SIMC1: variants seen among roughly 807,000 people sequenced by gnomAD.
SIMC1 encodes the protein SUMO-interacting motif-containing protein 1.
In SIMC1, 55 loss-of-function variants were observed where a neutral mutation model predicts 82.3. The observed-to-expected ratio is 0.67, with a 90% CI of 0.54 to 0.84. The LOEUF is 0.84. Ranked by LOEUF, SIMC1 falls within the 40% of genes least tolerant of loss-of-function variation. The pLI, the probability that SIMC1 is intolerant of heterozygous loss-of-function variation, is 0.00. For synonymous variants in SIMC1, 353 were observed against 426.3 expected, an observed-to-expected ratio of 0.83 and a Z score of 2.12; for missense variants, 915 against 1,107.2, an observed-to-expected ratio of 0.83 and a Z score of 2.46.
chr5:176,281,224 A>C, intron 1 of SIMC1, among the ~76,000 whole-genome samples: 1 of 152,112 alleles, frequency 6.6e-6, no homozygotes, highest in Non-Finnish European at 1.5e-5. Context: ...TGATCACATC[A>C]GCTCCTGAGG....
At chr5:176,280,834 C>G (rs568922190) in intron 1 of SIMC1, among the ~76,000 whole-genome samples, 4 of 152,130 alleles carry the variant, frequency 2.6e-5, no homozygotes, top group Non-Finnish European at 5.9e-5. Context: ...TTGTGGGTAA[C>G]CCGACCTTTC....
chr5:176,250,014 G>A (rs959588808), intron 1 of SIMC1, among the ~76,000 whole-genome samples: 1 of 151,924 alleles, frequency 6.6e-6, no homozygotes, highest in Admixed American at 6.6e-5. Flanking sequence ...TGATGTTAGG[G>A]TATCAATTTT....
chr5:176,259,480 A>T (rs535374539), intron 1 of SIMC1, among the ~76,000 whole-genome samples: 19 of 151,850 alleles, frequency 1.3e-4, no homozygotes, highest in Non-Finnish European at 1.9e-4. Context: ...ATTATTTTTA[A>T]ATTGTAAGTA....
chr5:176,289,155 C>G (rs1354899302), intron 1 of SIMC1, among the ~76,000 whole-genome samples: 1 of 152,152 alleles, frequency 6.6e-6, no homozygotes, highest in African/African-American at 2.4e-5. Context: ...GGTAGATAAC[C>G]TAACCCCTCT....
intron 1 of SIMC1, among the ~76,000 whole-genome samples, chr5:176,276,474 T>A (rs1762703832): frequency 6.6e-6 from 1 of 151,100 alleles, no homozygotes; most frequent in African/African-American, 2.4e-5. Context: ...TACTTTAAGT[T>A]TTAGGGTACA....
intron 5 of SIMC1, among the ~76,000 whole-genome samples, chr5:176,321,420 C>A (rs1347177548): frequency 6.7e-6 from 1 of 150,364 alleles, no homozygotes; most frequent in Non-Finnish European, 1.5e-5. Flanking sequence ...TCCAGCCTGG[C>A]GACAGAGCGA....
At chr5:176,280,418 G>A (rs921042526) in intron 1 of SIMC1, among the ~76,000 whole-genome samples, 9 of 151,976 alleles carry the variant, frequency 5.9e-5, no homozygotes, top group Non-Finnish European at 1.0e-4. Flanking sequence ...TTTAATTGGA[G>A]CATTTAGTCC....
chr5:176,332,169 G>A (rs1439725296), intron 7 of SIMC1, among the ~76,000 whole-genome samples: 1 of 152,074 alleles, frequency 6.6e-6, no homozygotes, highest in African/African-American at 2.4e-5. Flanking sequence ...TTTGTTTCCT[G>A]TTTGTTCTTT....
chr5:176,315,619 C>T (rs1011831986), intron 5 of SIMC1, among the ~76,000 whole-genome samples: 4 of 152,292 alleles, frequency 2.6e-5, no homozygotes, highest in African/African-American at 9.6e-5. Context: ...TTTACGCTCT[C>T]ATATGTTCTG....
intron 1 of SIMC1, among the ~76,000 whole-genome samples, chr5:176,261,576 A>G (rs747693071): frequency 3.3e-5 from 5 of 151,996 alleles, no homozygotes; most frequent in Middle Eastern, 6.8e-3. Context: ...GCGAAACCCC[A>G]TCTCTACTAA....
intron 1 of SIMC1, among the ~76,000 whole-genome samples, chr5:176,264,357 C>T (rs1231060156): frequency 6.6e-6 from 1 of 152,286 alleles, no homozygotes; most frequent in African/African-American, 2.4e-5. Flanking sequence ...CTGTGGCAGG[C>T]TTCTGCCTGG....
intron 1 of SIMC1, among the ~76,000 whole-genome samples, chr5:176,253,919 A>C (rs1344925027): frequency 6.6e-6 from 1 of 152,202 alleles, no homozygotes; most frequent in Non-Finnish European, 1.5e-5. Flanking sequence ...TCAATTGAAT[A>C]AATCAAATGA....
Position 176,345,289 on chromosome 5 carries a change from G to T in SIMC1, c.2520G>T (p.Gln840His). The T allele has an allele frequency of 6.2e-7, 1 of 1,614,008 alleles. No individual in the cohort carries two copies. Among genetic ancestry groups the T allele is most frequent in the Non-Finnish European group, 8.5e-7 (1 of 1,179,898 alleles). The stretch of plus-strand genomic sequence containing the variant: ...TCACAGTGGTAGACGTAGAGAAGCA[G>T]ATTGAGGCCTTCCGCAGCCGCCTGA... ...DDITVVDVEK[Q>H]IEAFRSRLIQ... The change falls in exon 10 of 10, where the codon CAG (glutamine) becomes CAT (histidine). Residue 840 changes from glutamine (Q) to histidine (H), a missense_variant. Around this residue, in one of 2 missense-constraint regions of SIMC1, gnomAD observed 902 missense variants for 1,040.3 expected, o/e 0.87. Transcript: ENST00000429602.
chr5:176,344,767 A>G (rs1561740638), intron 9 of SIMC1, among the ~76,000 whole-genome samples: 1 of 152,266 alleles, frequency 6.6e-6, no homozygotes, highest in East Asian at 1.9e-4. Flanking sequence ...TTCATGAGAA[A>G]TCACCCCCAC....
At chr5:176,340,800 C>T (rs571303105) in intron 9 of SIMC1, among the ~76,000 whole-genome samples, 1 of 152,314 alleles carries the variant, frequency 6.6e-6, no homozygotes, top group East Asian at 1.9e-4. Context: ...TGCACAAAAT[C>T]TATTTTTGGA....
At chr5:176,269,927 T>C (rs1448053985) in intron 1 of SIMC1, among the ~76,000 whole-genome samples, 2 of 146,536 alleles carry the variant, frequency 1.4e-5, no homozygotes, top group East Asian at 3.9e-4. Flanking sequence ...TTTTATTTTA[T>C]TTTTTTTTTT....
intron 4 of SIMC1, among the ~76,000 whole-genome samples, chr5:176,297,496 C>CT (rs1245651736): frequency 8.7e-6 from 1 of 114,746 alleles, no homozygotes; most frequent in African/African-American, 3.5e-5. Flanking sequence ...GAGCGAAACT[C>CT]TGTCTCAAAA....
intron 4 of SIMC1, among the ~76,000 whole-genome samples, chr5:176,298,314 G>A (rs1763906107): frequency 6.6e-6 from 1 of 152,190 alleles, no homozygotes; most frequent in Non-Finnish European, 1.5e-5. Flanking sequence ...TGACTTGTCT[G>A]GGGGCTGCCT....
chr5:176,246,978 A>G (rs1199341123), intron 1 of SIMC1, among the ~76,000 whole-genome samples: 3 of 152,070 alleles, frequency 2.0e-5, no homozygotes, highest in Non-Finnish European at 4.4e-5. Flanking sequence ...CATGGTGTAT[A>G]TGTGCCACAT....
Sources: gnomAD v4.1 joint callset for allele counts (sites outside exome capture counted in the v4.1 genomes callset) on GRCh38, gnomAD v4.1.1 for gene constraint, gnomAD v4.1.1 regional missense constraint, MANE v1.5 for transcripts, NCBI Gene and HGNC (gene_info 2026-07-23, HGNC 2026-07-21) for gene names.